The following MICU3 variants were observed in gnomAD, a reference collection of about 807,000 sequenced individuals.
The protein encoded by MICU3 is calcium uptake protein 3, mitochondrial.
In MICU3, 62 loss-of-function variants were observed where a neutral mutation model predicts 66.5. The ratio of observed to expected loss-of-function variants is 0.93; its 90% confidence interval spans 0.76 to 1.15. MICU3 has a LOEUF of 1.15. Ranked by LOEUF, MICU3 falls within the 50% of genes most tolerant of loss-of-function variation. The probability of loss-of-function intolerance (pLI) is 0.00; values close to 1 mark genes in which losing one functional copy is unlikely to be tolerated. For synonymous variants in MICU3, 308 were observed against 240.7 expected (o/e 1.28, Z -2.59); for missense variants, 779 against 664.4 (o/e 1.17, Z -1.90).
downstream of MICU3, among the ~76,000 whole-genome samples, chr8:17,123,948 TAA>T (rs11366018): frequency 0.03 from 4,254 of 139,608 alleles, 107 homozygotes; most frequent in African/African-American, 0.068. Flanking sequence ...CTAAAGTCTT[TAA>T]AAAAAAAAAA....
In MICU3 at chr8:17,120,986, A is replaced by T. The variant is rs1242173726; in HGVS notation, c.*699A>T. On this transcript the variant is annotated 3_prime_UTR_variant, in exon 15 of 15. Transcript: ENST00000318063. ...TATTGTTTTATGTATACGGTAAAGAAATTTAAAGTGTAGAATTTTCCTCCC... is the reference window on the plus strand; with the variant it reads ...TATTGTTTTATGTATACGGTAAAGATATTTAAAGTGTAGAATTTTCCTCCC... The T allele has an allele frequency of 4.6e-5, 7 of 151,976 alleles. No homozygotes were observed. The highest frequency in any genetic ancestry group is 1.2e-4 in the African/African-American group (5 of 41,432). The allele number at this position is 151,976 out of a possible 1,614,324, so 9.4% of individuals were successfully genotyped here.
the MICU3 span, among the ~76,000 whole-genome samples, chr8:17,138,306 TATA>T: frequency 6.6e-6 from 1 of 152,096 alleles, no homozygotes; most frequent in Non-Finnish European, 1.5e-5. Flanking sequence ...AGCAAGATGT[TATA>T]ATGTTTTTAT....
intron 3 of MICU3, among the ~76,000 whole-genome samples, chr8:17,074,031 G>A (rs1230601478): frequency 6.6e-6 from 1 of 151,346 alleles, no homozygotes; most frequent in East Asian, 1.9e-4. Context: ...ATGAGTGTAT[G>A]GTGGAGTTTT....
At chr8:17,103,442 T>G (rs762825675) in intron 9 of MICU3, among the ~76,000 whole-genome samples, 11 of 151,902 alleles carry the variant, frequency 7.2e-5, no homozygotes, top group Non-Finnish European at 1.0e-4. Context: ...CTACAGCTAT[T>G]TTTCTTGAAT....
chr8:17,087,559 T>A (rs1198676461), intron 7 of MICU3, among the ~76,000 whole-genome samples: 2 of 152,046 alleles, frequency 1.3e-5, no homozygotes, highest in African/African-American at 4.8e-5. Context: ...CAGTTTTCTT[T>A]TTATCTGAAG....
chr8:17,086,911 G>T (rs1048320115), intron 6 of MICU3, 53 bp from the exon 7 acceptor site: 12 of 1,200,428 alleles, frequency 1.0e-5, no homozygotes, highest in Non-Finnish European at 1.2e-5. Flanking sequence ...ATAGTAGATA[G>T]GTGCCCAGAA....
At chr8:17,130,784 T>C in the MICU3 span, among the ~76,000 whole-genome samples, 4 of 151,980 alleles carry the variant, frequency 2.6e-5, no homozygotes, top group African/African-American at 9.7e-5. Context: ...AACAAAAAAA[T>C]GGGTACAACA....
At position 17,104,378 on chromosome 8, in the gene MICU3, A is replaced by C; in HGVS notation, c.985-13A>C. On this transcript the variant is annotated splice_polypyrimidine_tract_variant and intron_variant, in intron 9 of 14. Coordinates refer to ENST00000318063, the MANE Select transcript of MICU3 (RefSeq NM_181723.3). ...TATTGAAGCTAACTTTTAAATTGTG[A>C]TTTTTTTTTAAGCGTGCTGATGACA... 1.5e-6 allele frequency: 2 copies of C among 1,304,580 alleles called. No homozygotes were observed. The highest frequency in any genetic ancestry group is 2.0e-6 in the Non-Finnish European group (2 of 988,130). The allele number at this position is 1,304,580 out of a possible 1,614,324, so 80.8% of individuals were successfully genotyped here.
Position 17,098,557 on chromosome 8 carries a change from T to C in MICU3, c.984+4T>C. 1.3e-6 allele frequency: 2 copies of C among 1,582,168 alleles called. No homozygotes were observed. The highest frequency in any genetic ancestry group is 1.7e-4 in the Middle Eastern group (1 of 5,994). ...ACTGTTTTCAGACCTCGCAGAGGTA[T>C]AATTAAACCTCAACAAGGTCCTTGT... On this transcript the variant is annotated splice_donor_region_variant and intron_variant, in intron 9 of 14. Coordinates refer to ENST00000318063, the MANE Select transcript of MICU3 (RefSeq NM_181723.3).
intron 1 of MICU3, among the ~76,000 whole-genome samples, chr8:17,038,926 C>G (rs1813533444): frequency 6.7e-6 from 1 of 149,788 alleles, no homozygotes; most frequent in Admixed American, 6.7e-5. Flanking sequence ...GCACTCCAGC[C>G]TGGGCGACAG....
chr8:17,136,147 T>C, the MICU3 span, among the ~76,000 whole-genome samples: 1 of 152,096 alleles, frequency 6.6e-6, no homozygotes, highest in African/African-American at 2.4e-5. Context: ...ATCATGGTTA[T>C]TAACCAGTAG....
At position 17,074,401 on chromosome 8, in the gene MICU3, A is replaced by T. The variant is rs75366979; in HGVS notation, c.568-3382A>T. ...TTTCCTTTCAGAACTGCTACTATAG[A>T]CAACTGCTGTGTAGCCATTAAAATA... On this transcript the variant is annotated intron_variant, in intron 3 of 14. Coordinates refer to ENST00000318063, the MANE Select transcript of MICU3 (RefSeq NM_181723.3). Among the ~76,000 whole-genome samples the T allele has an allele frequency of 3.3e-3, 510 of 152,284 alleles. 1 individual carries two copies. Among genetic ancestry groups the T allele is most frequent in the African/African-American group, 0.011 (473 of 41,566 alleles).
At chr8:17,037,781 C>A (rs1286873014) in intron 1 of MICU3, among the ~76,000 whole-genome samples, 1 of 152,174 alleles carries the variant, frequency 6.6e-6, no homozygotes, top group Non-Finnish European at 1.5e-5. Context: ...TGGGGCTGTA[C>A]CCTGCAAAGC....
chr8:17,055,628 C>A (rs1156272331), intron 1 of MICU3, among the ~76,000 whole-genome samples: 1 of 152,186 alleles, frequency 6.6e-6, no homozygotes, highest in African/African-American at 2.4e-5. Flanking sequence ...AAGCTTCTCA[C>A]ATGAACTTCT....
At chr8:17,113,867 A>G (rs1467551902) in intron 11 of MICU3, among the ~76,000 whole-genome samples, 3 of 152,160 alleles carry the variant, frequency 2.0e-5, no homozygotes, top group African/African-American at 7.2e-5. Context: ...AGTGTTTACA[A>G]AATACTTTTA....
chr8:17,119,131 AG>A (rs1802974037), intron 14 of MICU3, among the ~76,000 whole-genome samples: 1 of 152,154 alleles, frequency 6.6e-6, no homozygotes, highest in South Asian at 2.1e-4. Flanking sequence ...TTCCACAGGT[AG>A]TATCTCATTT....
At chr8:17,065,559 A>T (rs1474011809) in intron 2 of MICU3, among the ~76,000 whole-genome samples, 2 of 152,196 alleles carry the variant, frequency 1.3e-5, no homozygotes, top group African/African-American at 4.8e-5. Context: ...AAGGGGACAT[A>T]GGAGTGGCCA....
chr8:17,056,117 A>G (rs78200319), intron 1 of MICU3, among the ~76,000 whole-genome samples: 1 of 152,310 alleles, frequency 6.6e-6, no homozygotes, highest in East Asian at 1.9e-4. Context: ...CCAGTCTTCT[A>G]TCCGAATCCC....
intron 9 of MICU3, 80 bp from the exon 10 acceptor site, chr8:17,104,311 G>T: frequency 1.7e-6 from 1 of 603,022 alleles, no homozygotes; most frequent in Non-Finnish European, 2.7e-6. Context: ...GTTGATAACA[G>T]AATTCTTTGA....
Sources: allele counts gnomAD v4.1 joint callset (sites outside exome capture counted in the v4.1 genomes callset), GRCh38; gene constraint gnomAD v4.1.1; transcripts MANE v1.5; gene names NCBI Gene and HGNC (gene_info 2026-07-23, HGNC 2026-07-21).